Variants in CEP85L observed in about 807,000 individuals in gnomAD.
CEP85L encodes the protein centrosomal protein of 85 kDa-like.
In CEP85L, 60 loss-of-function variants were observed where a neutral mutation model predicts 100.3. The observed-to-expected ratio is 0.60, with a 90% confidence interval of 0.49 to 0.74. CEP85L has a LOEUF of 0.74. Ranked by LOEUF, CEP85L falls within the 30% of genes least tolerant of loss-of-function variation. The probability of loss-of-function intolerance (pLI) is 0.00; values close to 1 mark genes in which losing one functional copy is unlikely to be tolerated. For missense variants in CEP85L, 973 were observed against 936.2 expected (o/e 1.04, Z -0.51); for synonymous variants, 319 against 322.7 (o/e 0.99, Z 0.12).
In CEP85L at chr6:118,506,777, G is replaced by A. The variant is rs111953534; in HGVS notation, c.1257+4521C>T. On this transcript the variant is annotated intron_variant, in intron 5 of 12. Transcript: ENST00000368491. ...TCATATAGAAAAACAAAAATCTGAG[G>A]TCAGATGTTTTAATTTCTACATTTA... is the stretch of plus-strand genomic sequence containing the variant. 1.4e-4 allele frequency among the ~76,000 whole-genome samples: 21 copies of A among 152,200 alleles called. 1 individual carries two copies. The highest frequency in any genetic ancestry group is 5.1e-4 in the African/African-American group (21 of 41,536).
chr6:118,590,448 G>T (rs1406386925), intron 2 of CEP85L, among the ~76,000 whole-genome samples: 1 of 152,076 alleles, frequency 6.6e-6, no homozygotes, highest in Admixed American at 6.5e-5. Flanking sequence ...TAGCATCATG[G>T]ACACCACCAC....
chr6:118,574,516 T>A (rs922259956), intron 2 of CEP85L, among the ~76,000 whole-genome samples: 2 of 152,196 alleles, frequency 1.3e-5, no homozygotes, highest in Admixed American at 1.3e-4. Flanking sequence ...GAATTACCCA[T>A]CTGGGATATC....
intron 1 of CEP85L, among the ~76,000 whole-genome samples, chr6:118,674,684 G>C (rs922169108): frequency 2.0e-5 from 3 of 152,134 alleles, no homozygotes; most frequent in Non-Finnish European, 2.9e-5. Context: ...GAAGATATAC[G>C]CATGACCATA....
At chr6:118,536,717 A>T (rs1347388446) in intron 3 of CEP85L, among the ~76,000 whole-genome samples, 3 of 152,194 alleles carry the variant, frequency 2.0e-5, no homozygotes, top group Non-Finnish European at 4.4e-5. Flanking sequence ...CCCTACACCA[A>T]GAATGCATGG....
intron 1 of CEP85L, among the ~76,000 whole-genome samples, chr6:118,679,088 A>G (rs969239521): frequency 6.6e-6 from 1 of 152,338 alleles, no homozygotes; most frequent in South Asian, 2.1e-4. Flanking sequence ...CATCAGCTGA[A>G]TATCTACTTC....
chr6:118,586,177 A>C (rs1357991208), intron 2 of CEP85L, among the ~76,000 whole-genome samples: 1 of 152,156 alleles, frequency 6.6e-6, no homozygotes, highest in African/African-American at 2.4e-5. Context: ...GACACACCAG[A>C]AAATTGTCCC....
chr6:118,631,990 G>A (rs1774188718), intron 2 of CEP85L, among the ~76,000 whole-genome samples: 1 of 152,068 alleles, frequency 6.6e-6, no homozygotes, highest in African/African-American at 2.4e-5. Context: ...ATGACTAGAG[G>A]GACAATTTTC....
At position 118,651,566 on chromosome 6, in the gene CEP85L, G is replaced by A. The variant is rs1359841150; in HGVS notation, c.-297C>T. ...GCTGAGCCCAGGCTCAAAGGCTCCA[G>A]GCGAAGTTGCAGCTGCGGGTTCTCT... is the stretch of plus-strand genomic sequence containing the variant. On this transcript the variant is annotated 5_prime_UTR_variant, in exon 1 of 13. Transcript: ENST00000368491. 3.4e-6 allele frequency: 4 copies of A among 1,184,918 alleles called. No individual in the cohort carries two copies. The highest frequency in any genetic ancestry group is 3.5e-5 in the South Asian group (1 of 28,588). The allele number at this position is 1,184,918 out of a possible 1,614,324, so 73.4% of individuals were successfully genotyped here.
At chr6:118,683,136 G>A (rs190862536) in intron 1 of CEP85L, among the ~76,000 whole-genome samples, 1 of 152,176 alleles carries the variant, frequency 6.6e-6, no homozygotes, top group Non-Finnish European at 1.5e-5. Context: ...TCACAAAGGT[G>A]TGTATTTTTC....
chr6:118,546,411 ACTAATT>A (rs976043935), intron 3 of CEP85L, among the ~76,000 whole-genome samples: 47 of 152,294 alleles, frequency 3.1e-4, no homozygotes, highest in African/African-American at 1.1e-3. Context: ...ACTAAGTATT[ACTAATT>A]CTATTTTCTT....
At chr6:118,550,472 A>C (rs1247180642) in intron 3 of CEP85L, among the ~76,000 whole-genome samples, 1 of 151,852 alleles carries the variant, frequency 6.6e-6, no homozygotes, top group Admixed American at 6.6e-5. Context: ...GCCAATGAAC[A>C]CTTCTTTTTT....
intron 2 of CEP85L, among the ~76,000 whole-genome samples, chr6:118,574,318 C>A (rs72952798): frequency 0.15 from 22,714 of 152,218 alleles, 2,264 homozygotes; most frequent in Non-Finnish European, 0.22. Context: ...TGGTTTGGTC[C>A]GACCCCAGCC....
intron 10 of CEP85L, among the ~76,000 whole-genome samples, chr6:118,471,283 T>G (rs891056107): frequency 6.6e-6 from 1 of 152,056 alleles, no homozygotes; most frequent in Non-Finnish European, 1.5e-5. Flanking sequence ...TTTTGAGTCT[T>G]TGGTTAGTCT....
At chr6:118,610,606 A>G (rs1172061216) in intron 2 of CEP85L, among the ~76,000 whole-genome samples, 1 of 152,216 alleles carries the variant, frequency 6.6e-6, no homozygotes, top group Non-Finnish European at 1.5e-5. Context: ...CTCAGGTATC[A>G]GCAAAGGCCT....
rs970101809 is a variant in CEP85L at position 118,674,396 on chromosome 6, T to G, written c.-27-21588A>C. The stretch of plus-strand genomic sequence containing the variant: ...AAAATTAGCTGGGCATGGTGACAGG[T>G]GCCTGTAATCCCAGCTACTTGGGAG... On this transcript the variant is annotated intron_variant, in intron 1 of 13. Coordinates refer to the CEP85L transcript ENST00000368488. Among the ~76,000 whole-genome samples the G allele has an allele frequency of 2.0e-5, 3 of 151,996 alleles. No individual in the cohort carries two copies. In the East Asian group the frequency reaches 5.8e-4, roughly 29 times the overall value.
chr6:118,645,920 G>A (rs1775153840), intron 1 of CEP85L, among the ~76,000 whole-genome samples: 2 of 152,068 alleles, frequency 1.3e-5, no homozygotes, highest in South Asian at 4.1e-4. Context: ...CAAAATATTG[G>A]TATGAAAAGT....
intron 2 of CEP85L, chr6:118,589,491 C>A: frequency 3.9e-6 from 1 of 255,062 alleles, no homozygotes; most frequent in Non-Finnish European, 8.6e-6. Flanking sequence ...CAGCTGTGTC[C>A]CCTGGGAAAA....
chr6:118,702,101 T>C (rs952484756), intron 1 of CEP85L, among the ~76,000 whole-genome samples: 7 of 152,202 alleles, frequency 4.6e-5, no homozygotes, highest in Admixed American at 4.6e-4. Flanking sequence ...AGCTCCACTT[T>C]GGAATAGTAG....
At chr6:118,527,020 T>C (rs1777011973) in intron 3 of CEP85L, among the ~76,000 whole-genome samples, 1 of 147,016 alleles carries the variant, frequency 6.8e-6, no homozygotes, top group Non-Finnish European at 1.5e-5. Context: ...TTTTTTTTTT[T>C]TTTTTTTTAA....
Sources: gnomAD v4.1 joint callset for allele counts (sites outside exome capture counted in the v4.1 genomes callset) on GRCh38, gnomAD v4.1.1 for gene constraint, MANE v1.5 for transcripts, NCBI Gene and HGNC (gene_info 2026-07-23, HGNC 2026-07-21) for gene names.